APH1B: variants seen among roughly 807,000 people sequenced by gnomAD.
APH1B encodes gamma-secretase subunit APH-1B.
In APH1B, 27 loss-of-function variants were observed where a neutral mutation model predicts 28.2. The ratio of observed to expected loss-of-function variants is 0.96; its 90% CI spans 0.70 to 1.32. APH1B has a LOEUF of 1.32. APH1B is among the 40% of genes most tolerant of loss of function. APH1B has a pLI of 0.00. For missense variants in APH1B, 305 were observed against 313.6 expected, an observed-to-expected ratio of 0.97 and a Z score of 0.21; for synonymous variants, 141 against 124.6, an observed-to-expected ratio of 1.13 and a Z score of -0.88.
At chr15:63,295,672 A>G (rs1028229241) in intron 4 of APH1B, among the ~76,000 whole-genome samples, 2 of 152,190 alleles carry the variant, frequency 1.3e-5, no homozygotes, top group African/African-American at 2.4e-5. Context: ...AGATGCCAGA[A>G]GCACCCCTGT....
chr15:63,299,393 GTTGTTTTGTTT>G (rs917877619), intron 4 of APH1B, among the ~76,000 whole-genome samples: 1 of 152,042 alleles, frequency 6.6e-6, no homozygotes, highest in Non-Finnish European at 1.5e-5. Context: ...GAGAATTTTT[GTTGTTTTGTTT>G]TTGTTTTGTT....
At position 63,304,063 on chromosome 15, in the gene APH1B, C is replaced by T. The variant is rs1356770011; in HGVS notation, c.607-1551C>T. ...TTCGTCCACCTCCTCACTGCATTCT[C>T]TTTATTGTTAGTCGTCCTGCTGGCT... On this transcript the variant is annotated intron_variant, in intron 5 of 5. Transcript: ENST00000261879. The surrounding 1 kb of genome is among the most constrained non-coding windows in gnomAD (Gnocchi z 5.1). Among the ~76,000 whole-genome samples the T allele has an allele frequency of 6.6e-6, 1 of 152,208 alleles. No homozygotes were observed. The highest frequency in any genetic ancestry group is 2.4e-5 in the African/African-American group (1 of 41,452).
chr15:63,305,830 A>C lies in APH1B; in HGVS notation c.*49A>C. 1 of 1,567,514 alleles carries C rather than the reference A, an allele frequency of 6.4e-7. No homozygotes were observed. Among genetic ancestry groups the C allele is most frequent in the Non-Finnish European group, 8.6e-7 (1 of 1,161,754 alleles). ...AACCGCAGACTACATCTTTAGAGGA[A>C]GCACAACTGTGCCTTTTTCTGAAAA... On this transcript the variant is annotated 3_prime_UTR_variant, in exon 6 of 6. Transcript: ENST00000261879.
intron 1 of APH1B, among the ~76,000 whole-genome samples, 184 bp from the exon 2 acceptor site, chr15:63,278,977 A>G (rs554042930): frequency 1.3e-5 from 2 of 152,330 alleles, no homozygotes; most frequent in Admixed American, 1.3e-4. Context: ...CGTTTGTCTC[A>G]CCAAGGAAAA....
intron 4 of APH1B, among the ~76,000 whole-genome samples, chr15:63,297,030 G>T (rs1001092209): frequency 1.3e-5 from 2 of 152,178 alleles, no homozygotes; most frequent in African/African-American, 2.4e-5. Context: ...TGACTTAGAA[G>T]TTTATTAGAA....
chr15:63,290,774 G>T (rs1393404798), intron 4 of APH1B, among the ~76,000 whole-genome samples: 1 of 152,190 alleles, frequency 6.6e-6, no homozygotes, highest in Non-Finnish European at 1.5e-5. Context: ...CATCTGTATT[G>T]TTCACTGCTC....
At chr15:63,293,168 CT>C (rs202030206) in intron 4 of APH1B, among the ~76,000 whole-genome samples, 55 of 145,776 alleles carry the variant, frequency 3.8e-4, no homozygotes, top group East Asian at 5.9e-4. Context: ...TTTTACTTTT[CT>C]TTTTTTTTTT....
At position 63,295,472 on chromosome 15, in the gene APH1B, A is replaced by G. The variant is rs547710669; in HGVS notation, c.479-6873A>G. Reference sequence around the variant, plus strand: ...CTGCAGGGAGTTTCAAATGTTTTTTAATGTGCTACATATAGAAAAAAAGAG... The same window carrying G: ...CTGCAGGGAGTTTCAAATGTTTTTTGATGTGCTACATATAGAAAAAAAGAG... On this transcript the variant is annotated intron_variant, in intron 4 of 5. Transcript: ENST00000261879. 2.6e-5 allele frequency among the ~76,000 whole-genome samples: 4 copies of G among 152,308 alleles called. No individual in the cohort carries two copies. The East Asian group carries it at 7.7e-4, about 29-fold the overall frequency.
At chr15:63,277,796 C>A in intron 1 of APH1B, 60 bp downstream of exon 1, 1 of 1,522,236 alleles carries the variant, frequency 6.6e-7, no homozygotes, top group Non-Finnish European at 9.0e-7. Flanking sequence ...CTGGGGTTAC[C>A]CGCGACCCTC....
rs200252632 is a variant in APH1B at position 63,305,735 on chromosome 15, T to C, written c.728T>C (p.Leu243Pro). ...TGCCGAAGCCTGAAACTCTGCCTGC[T>C]CTGCCAAGACAAGAACTTTCTTCTT... Reference protein sequence around the residue: ...GSCRSLKLCLLCQDKNFLLYN... With the variant: ...GSCRSLKLCLPCQDKNFLLYN... Residue 243 changes from leucine to proline, a missense_variant, in exon 6 of 6, where the codon CTC (leucine) becomes CCC (proline). Leu to Pro is a moderately conservative substitution (Grantham distance 98, BLOSUM62 -3). Transcript: ENST00000261879. The C allele has an allele frequency of 8.7e-5, 141 of 1,614,264 alleles. 1 individual carries two copies. The highest frequency in any genetic ancestry group is 5.8e-4 in the East Asian group (26 of 44,892).
intron 5 of APH1B, among the ~76,000 whole-genome samples, chr15:63,305,181 C>T (rs941571382): frequency 6.6e-6 from 1 of 152,216 alleles, no homozygotes; most frequent in African/African-American, 2.4e-5. Flanking sequence ...TAAATGAATA[C>T]ACTTTTGGAA....
At chr15:63,299,058 TAAAAAGA>T (rs979290245) in intron 4 of APH1B, among the ~76,000 whole-genome samples, 3 of 152,016 alleles carry the variant, frequency 2.0e-5, no homozygotes, top group Admixed American at 6.5e-5. Context: ...ATAATCTATT[TAAAAAGA>T]AAAAAGAAAA....
chr15:63,299,901 C>T (rs1423996693), intron 4 of APH1B, among the ~76,000 whole-genome samples: 2 of 151,672 alleles, frequency 1.3e-5, no homozygotes, highest in Middle Eastern at 3.2e-3. Flanking sequence ...ACTTTCTCCC[C>T]AAGCAGTAGA....
At position 63,286,658 on chromosome 15, in the gene APH1B, G is replaced by GAA. The variant is rs769576011; in HGVS notation, c.355+36_355+37dup. The GAA allele has an allele frequency of 1.2e-5, 18 of 1,558,058 alleles. No individual in the cohort carries two copies. In the South Asian group the frequency reaches 2.2e-4, roughly 19 times the overall value. ...GTTAGAACCACATGGTTTCATTAAG[G>GAA]AAAAAAATCATACTTGGCATAAAAG... On this transcript the variant is annotated intron_variant, in intron 3 of 5. Coordinates refer to ENST00000261879, the MANE Select transcript of APH1B (RefSeq NM_031301.4).
chr15:63,283,128 G>C (rs945911250), intron 2 of APH1B, among the ~76,000 whole-genome samples: 3 of 152,058 alleles, frequency 2.0e-5, no homozygotes, highest in Admixed American at 6.5e-5. Flanking sequence ...TTCCTCCCAC[G>C]TACTTCCATA....
At chr15:63,279,410 A>G in intron 2 of APH1B, 79 bp downstream of exon 2, 1 of 1,380,884 alleles carries the variant, frequency 7.2e-7, no homozygotes, top group Non-Finnish European at 9.9e-7. Context: ...ACGTGAATAT[A>G]GTATTGTATC....
chr15:63,287,263 A>G, intron 3 of APH1B, 161 bp from the exon 4 acceptor site: 1 of 847,224 alleles, frequency 1.2e-6, no homozygotes, highest in Non-Finnish European at 1.8e-6. Context: ...CTGATTCATC[A>G]TTTAGCCAAG....
chr15:63,296,922 G>T (rs535188352), intron 4 of APH1B, among the ~76,000 whole-genome samples: 1 of 152,196 alleles, frequency 6.6e-6, no homozygotes, highest in African/African-American at 2.4e-5. Flanking sequence ...CCTCCCAGGC[G>T]TGAGCCACCC....
At chr15:63,279,031 C>G (rs1281512857) in intron 1 of APH1B, 130 bp from the exon 2 acceptor site, 1 of 743,468 alleles carries the variant, frequency 1.3e-6, no homozygotes, top group Admixed American at 3.3e-5. Context: ...TTTATGAGGA[C>G]TTTCTTTTCC....
Sources: gnomAD v4.1 joint callset for allele counts (sites outside exome capture counted in the v4.1 genomes callset) on GRCh38, gnomAD v4.1.1 for gene constraint, Gnocchi (gnomAD v3.1) non-coding constraint, MANE v1.5 for transcripts, NCBI Gene and HGNC (gene_info 2026-07-23, HGNC 2026-07-21) for gene names.